Variants in ASTN1 observed in about 807,000 individuals in gnomAD.
ASTN1 encodes astrotactin 1, also known as astrotactin-1.
Under a neutral mutation model 140.7 loss-of-function variants are expected in ASTN1, and 41 were observed. The observed-to-expected ratio is 0.29, with a 90% CI of 0.23 to 0.38. The LOEUF is 0.38. Ranked by LOEUF, ASTN1 falls within the 10% of genes least tolerant of loss-of-function variation. The probability of loss-of-function intolerance (pLI) is 1.00; values close to 1 mark genes in which losing one functional copy is unlikely to be tolerated. For missense variants in ASTN1, 1,479 were observed against 1,678.8 expected, an observed-to-expected ratio of 0.88 and a Z score of 2.08; for synonymous variants, 640 against 652.2, an observed-to-expected ratio of 0.98 and a Z score of 0.29.
chr1:177,031,963 T>C (rs936634675), intron 3 of ASTN1, among the ~76,000 whole-genome samples: 4 of 152,140 alleles, frequency 2.6e-5, no homozygotes, highest in African/African-American at 9.7e-5. Context: ...GCATCCCTTG[T>C]AGAGAGCACA....
At position 177,037,023 on chromosome 1, in the gene ASTN1, T is replaced by C. The variant is rs189325040; in HGVS notation, c.472-4174A>G. Among the ~76,000 whole-genome samples the C allele has an allele frequency of 2.9e-3, 444 of 152,212 alleles. 2 individuals are homozygous for C. Among genetic ancestry groups the C allele is most frequent in the Non-Finnish European group, 1.8e-3 (123 of 68,006 alleles). On this transcript the variant is annotated intron_variant, in intron 2 of 22. Coordinates refer to ENST00000361833, the MANE Select transcript of ASTN1 (RefSeq NM_004319.3). ...TTAGTAGAGACAGGGTTTGACCATG[T>C]CGGGGAGGCTGGTCTCTAACTTCTG...
intron 17 of ASTN1, 33 bp downstream of exon 17, chr1:176,894,529 G>C (rs762521350): frequency 6.2e-7 from 1 of 1,604,920 alleles, no homozygotes; most frequent in South Asian, 1.1e-5. Context: ...TGTGGTTGAC[G>C]CCTCCCAGAG....
intron 12 of ASTN1, 145 bp downstream of exon 12, chr1:176,949,040 C>G: frequency 8.5e-7 from 1 of 1,178,098 alleles, no homozygotes. Flanking sequence ...AAAATGTTCC[C>G]CCCCAAGTCC....
At chr1:176,895,717 G>A (rs556237220) in intron 16 of ASTN1, among the ~76,000 whole-genome samples, 1 of 152,286 alleles carries the variant, frequency 6.6e-6, no homozygotes, top group South Asian at 2.1e-4. Flanking sequence ...AGAGAATAAT[G>A]GTTTGTTCTT....
At chr1:176,959,519 TA>T (rs35198509) in intron 9 of ASTN1, among the ~76,000 whole-genome samples, 21,685 of 147,460 alleles carry the variant, frequency 0.15, 1,650 homozygotes, top group Admixed American at 0.2. Context: ...ATCTTTTATT[TA>T]AAAAAAAAAA....
At chr1:177,021,356 C>A (rs1222894207) in intron 7 of ASTN1, among the ~76,000 whole-genome samples, 1 of 152,184 alleles carries the variant, frequency 6.6e-6, no homozygotes, top group Non-Finnish European at 1.5e-5. Context: ...AGAAATGAGA[C>A]ATCTGGAAGG....
chr1:176,934,238 T>C lies in ASTN1; in HGVS notation c.2585A>G (p.Tyr862Cys). The C allele has an allele frequency of 1.2e-6, 2 of 1,614,052 alleles. No individual in the cohort carries two copies. Among genetic ancestry groups the C allele is most frequent in the Non-Finnish European group, 1.7e-6 (2 of 1,179,986 alleles). The change falls in exon 16 of 23, where the codon TAC becomes TGC. Residue 862 changes from tyrosine to cysteine, a missense_variant. By Grantham distance (194) the Tyr-to-Cys change is radical. Around this residue, in one of 3 missense-constraint regions of ASTN1, gnomAD observed 746 missense variants for 800.9 expected, o/e 0.93. Coordinates refer to ENST00000361833, the MANE Select transcript of ASTN1 (RefSeq NM_004319.3). Reference protein sequence around the residue: ...FGNHYIQEAIYGFEESCSIWY... With the variant: ...FGNHYIQEAICGFEESCSIWY... Reference sequence around the variant, plus strand: ...GATAGAACAGGACTCCTCAAAGCCGTAGATAGCTTCCTGGATGTAATGGTT... The same window carrying C: ...GATAGAACAGGACTCCTCAAAGCCGCAGATAGCTTCCTGGATGTAATGGTT...
chr1:177,052,168 C>T (rs1677572993), intron 2 of ASTN1, among the ~76,000 whole-genome samples: 1 of 152,128 alleles, frequency 6.6e-6, no homozygotes, highest in Admixed American at 6.5e-5. Flanking sequence ...CCCTAATTGC[C>T]TCGGTCTTTT....
intron 2 of ASTN1, among the ~76,000 whole-genome samples, chr1:177,056,353 C>T (rs1677803108): frequency 6.6e-6 from 1 of 152,076 alleles, no homozygotes; most frequent in African/African-American, 2.4e-5. Flanking sequence ...CTTGGGTTCA[C>T]CTGGAGATCC....
At chr1:177,002,317 A>C (rs767170602) in intron 8 of ASTN1, among the ~76,000 whole-genome samples, 28 of 151,862 alleles carry the variant, frequency 1.8e-4, no homozygotes, top group Non-Finnish European at 3.2e-4. Context: ...CTGTTCACTA[A>C]CTGTGATTCT....
intron 2 of ASTN1, among the ~76,000 whole-genome samples, chr1:177,058,333 C>T (rs919740861): frequency 6.6e-6 from 1 of 152,140 alleles, no homozygotes; most frequent in African/African-American, 2.4e-5. Context: ...ATCTTTTGCA[C>T]CCTTACGTTT....
chr1:177,071,206 C>T (rs1678619887), intron 1 of ASTN1, among the ~76,000 whole-genome samples: 1 of 152,120 alleles, frequency 6.6e-6, no homozygotes, highest in Non-Finnish European at 1.5e-5. Flanking sequence ...TGCTTTAAGA[C>T]TTGGCTATGG....
chr1:177,095,297 G>A (rs1245536018), intron 1 of ASTN1, among the ~76,000 whole-genome samples: 2 of 152,198 alleles, frequency 1.3e-5, no homozygotes, highest in Non-Finnish European at 2.9e-5. Context: ...CAAGAGTGTA[G>A]CTAAGCAACC....
Position 176,945,974 on chromosome 1 carries a change from T to G in ASTN1, c.2201A>C (p.Asn734Thr). The change falls in exon 13 of 23, where the codon AAC becomes ACC. Residue 734 changes from asparagine to threonine, a missense_variant. Transcript: ENST00000361833. ...LFGEMFFGYN[N>T]HSKEVAAGQV... ...TCCGGCAGCCACTTCCTTGGAATGG[T>G]TGTTGTAACCAAAGAACATCTCCCC... The G allele has an allele frequency of 1.2e-6, 2 of 1,613,938 alleles. No individual in the cohort carries two copies. The highest frequency in any genetic ancestry group is 1.7e-6 in the Non-Finnish European group (2 of 1,179,868).
At chr1:177,141,189 C>T (rs1025037417) in intron 1 of ASTN1, among the ~76,000 whole-genome samples, 5 of 152,102 alleles carry the variant, frequency 3.3e-5, no homozygotes, top group Admixed American at 2.6e-4. Flanking sequence ...GCACTCCAGC[C>T]TGGGCAAAAA....
intron 16 of ASTN1, among the ~76,000 whole-genome samples, chr1:176,916,250 G>A (rs1482155733): frequency 1.3e-5 from 2 of 152,212 alleles, no homozygotes; most frequent in Non-Finnish European, 1.5e-5. Flanking sequence ...ATGCAGATGA[G>A]TATGTAGGTT....
chr1:177,101,653 T>A (rs1474735795), intron 1 of ASTN1, among the ~76,000 whole-genome samples: 1 of 152,208 alleles, frequency 6.6e-6, no homozygotes, highest in Non-Finnish European at 1.5e-5. Flanking sequence ...TTAAAATCCA[T>A]TGACCTATAT....
intron 8 of ASTN1, among the ~76,000 whole-genome samples, chr1:176,996,963 T>C (rs1175973705): frequency 1.3e-5 from 2 of 151,994 alleles, no homozygotes; most frequent in Non-Finnish European, 2.9e-5. Context: ...ACGAGAAAAG[T>C]TAAAACCAAA....
chr1:176,920,753 A>G (rs1670690884), intron 16 of ASTN1, among the ~76,000 whole-genome samples: 1 of 152,176 alleles, frequency 6.6e-6, no homozygotes, highest in African/African-American at 2.4e-5. Context: ...AAAATTCCAC[A>G]GTGGGTTGCA....
Sources: gnomAD v4.1 joint callset for allele counts (sites outside exome capture counted in the v4.1 genomes callset) on GRCh38, gnomAD v4.1.1 for gene constraint, gnomAD v4.1.1 regional missense constraint, MANE v1.5 for transcripts, NCBI Gene and HGNC (gene_info 2026-07-23, HGNC 2026-07-21) for gene names.